ANKRD36: variants seen among roughly 807,000 people sequenced by gnomAD.
The protein encoded by ANKRD36 is ankyrin repeat domain-containing protein 36A.
A neutral mutation model predicts 278.1 loss-of-function variants in ANKRD36; 179 were observed. The ratio of observed to expected loss-of-function variants is 0.64; its 90% CI spans 0.57 to 0.73. ANKRD36 has a LOEUF of 0.73. ANKRD36 is among the 30% of genes least tolerant of loss of function. The pLI, the probability that ANKRD36 is intolerant of heterozygous loss-of-function variation, is 0.00. For synonymous variants in ANKRD36, 320 were observed against 641.1 expected (o/e 0.50, Z 7.57); for missense variants, 1,159 against 1,956.7 (o/e 0.59, Z 7.69).
At chr2:97,230,851 TC>T (rs1220592442) in intron 67 of ANKRD36, among the ~76,000 whole-genome samples, 14 of 152,116 alleles carry the variant, frequency 9.2e-5, no homozygotes, top group Non-Finnish European at 2.1e-4. Flanking sequence ...TAGTTTTCCT[TC>T]TACCAGACAG....
rs1236798185 is a variant in ANKRD36, at chr2:97,228,365, G to A, written c.3951+3486G>A. Among the ~76,000 whole-genome samples the A allele has an allele frequency of 2.0e-5, 3 of 152,176 alleles. 1 individual carries two copies. In the East Asian group the frequency reaches 5.9e-4, roughly 30 times the overall value. ...CAACTTCTTCCTGGTTTAGTCTTGG[G>A]AGTGTGTATGTGTCCAGGAATTTAT... is the stretch of plus-strand genomic sequence containing the variant. On this transcript the variant is annotated intron_variant, in intron 67 of 75. Transcript: ENST00000420699.
At chr2:97,201,594 C>T (rs898637843) in intron 46 of ANKRD36, among the ~76,000 whole-genome samples, 1 of 151,908 alleles carries the variant, frequency 6.6e-6, no homozygotes, top group African/African-American at 2.4e-5. Context: ...ATACAAGAAG[C>T]TTATGCAAAT....
At chr2:97,163,097 C>T (rs2049474288) in intron 18 of ANKRD36, 2 of 351,868 alleles carry the variant, frequency 5.7e-6, no homozygotes, top group East Asian at 7.8e-5. Flanking sequence ...GAAACCCCAT[C>T]TCTACTAAAA....
intron 32 of ANKRD36, among the ~76,000 whole-genome samples, chr2:97,187,629 G>A (rs1430526826): frequency 6.6e-5 from 10 of 151,758 alleles, no homozygotes; most frequent in Non-Finnish European, 5.9e-5. Context: ...CATTGAAATT[G>A]GGAAGAAGAT....
In ANKRD36 at chr2:97,113,871, T is replaced by G. The variant is rs1256062653; in HGVS notation, c.132T>G (p.Asn44Lys). ...KRIHRAVLHG[N>K]LEKLKYLLLT... is the part of the protein sequence containing the mutation. Reference sequence around the variant, plus strand: ...TCCACAGAGCTGTCTTACATGGTAATCTAGAGAAACTGAAGTACCTTCTGC... The same window carrying G: ...TCCACAGAGCTGTCTTACATGGTAAGCTAGAGAAACTGAAGTACCTTCTGC... The change falls in exon 1 of 76, where the codon AAT becomes AAG. Residue 44 changes from asparagine (N) to lysine (K), a missense_variant. Asn to Lys is a moderately conservative substitution (Grantham distance 94). Transcript: ENST00000420699. 2 of 1,613,074 alleles carry G rather than the reference T, an allele frequency of 1.2e-6. No homozygotes were observed. Among genetic ancestry groups the G allele is most frequent in the East Asian group, 4.5e-5 (2 of 44,218 alleles).
chr2:97,228,362 T>TG (rs2070680537), intron 67 of ANKRD36, among the ~76,000 whole-genome samples: 1 of 152,080 alleles, frequency 6.6e-6, no homozygotes, highest in Non-Finnish European at 1.5e-5. Context: ...GGTTTAGTCT[T>TG]GGGAGTGTGT....
Position 97,148,086 on chromosome 2 carries a change from T to C in ANKRD36, c.1035-1209T>C, listed in dbSNP as rs540910169. On this transcript the variant is annotated intron_variant, in intron 11 of 75. Transcript: ENST00000420699. ...ATCCCAGCTTACAGAGGGCTTAGAATCCCTCAAGAACCAGGGAGCTGGAGA... is the reference window on the plus strand; with the variant it reads ...ATCCCAGCTTACAGAGGGCTTAGAACCCCTCAAGAACCAGGGAGCTGGAGA... Among the ~76,000 whole-genome samples the C allele has an allele frequency of 1.2e-4, 19 of 152,020 alleles. No individual in the cohort carries two copies. The East Asian group carries it at 3.5e-3, about 28-fold the overall frequency.
rs1271236303 is a variant in ANKRD36 at position 97,141,282 on chromosome 2, G to T, written c.800-1358G>T. Among the ~76,000 whole-genome samples the T allele has an allele frequency of 1.5e-4, 15 of 100,990 alleles. No homozygotes were observed. In the South Asian group the frequency reaches 3.1e-3, roughly 21 times the overall value. The allele number at this position is 100,990 out of a possible 152,430, so 66.3% of individuals were successfully genotyped here. On this transcript the variant is annotated intron_variant, in intron 6 of 75. Transcript: ENST00000420699. ...ATTTGGTTGGTTATTAATAAGAAAA[G>T]AAGTCTCTTGTGATTTAGAGATTTT...
intron 67 of ANKRD36, among the ~76,000 whole-genome samples, chr2:97,228,641 T>C (rs2070789525): frequency 6.6e-6 from 1 of 151,804 alleles, no homozygotes. Flanking sequence ...TTTCCTTCAG[T>C]TCTGTTCTGA....
At chr2:97,125,207 C>G (rs1189042527) in intron 5 of ANKRD36, among the ~76,000 whole-genome samples, 2 of 151,648 alleles carry the variant, frequency 1.3e-5, no homozygotes, top group African/African-American at 4.8e-5. Flanking sequence ...TACCAGCATG[C>G]CCTTTCTGTT....
Position 97,113,941 on chromosome 2 carries a change from T to C in ANKRD36, c.197+5T>C. The C allele has an allele frequency of 6.2e-7, 1 of 1,600,804 alleles. No individual in the cohort carries two copies. The highest frequency in any genetic ancestry group is 8.5e-7 in the Non-Finnish European group (1 of 1,174,396). On this transcript the variant is annotated splice_donor_5th_base_variant and intron_variant, in intron 1 of 75. Coordinates refer to ENST00000420699, the MANE Select transcript of ANKRD36 (RefSeq NM_001354587.1). ...TAAGAGAGACAGGAAGGAAAGGTAATGGGGGCCGGGAGCCGGGGCTGCGGG... is the reference window on the plus strand; with the variant it reads ...TAAGAGAGACAGGAAGGAAAGGTAACGGGGGCCGGGAGCCGGGGCTGCGGG...
intron 3 of ANKRD36, among the ~76,000 whole-genome samples, chr2:97,122,073 C>T (rs1000140911): frequency 8.3e-5 from 10 of 119,812 alleles, no homozygotes; most frequent in South Asian, 2.5e-4. Context: ...AACTGTCAAT[C>T]GTGTCAGAAT....
intron 48 of ANKRD36, among the ~76,000 whole-genome samples, chr2:97,203,802 A>G (rs6577003): frequency 0.86 from 130,266 of 151,736 alleles, 57,400 homozygotes; most frequent in African/African-American, 0.95. Flanking sequence ...GCATATCCAC[A>G]TTGATATTGA....
chr2:97,154,955 G>A, intron 15 of ANKRD36, among the ~76,000 whole-genome samples: 1 of 144,666 alleles, frequency 6.9e-6, no homozygotes. Context: ...TAAATACTTT[G>A]AGAGGTGTGA....
chr2:97,229,395 C>T (rs912276624), intron 67 of ANKRD36, among the ~76,000 whole-genome samples: 1 of 152,080 alleles, frequency 6.6e-6, no homozygotes, highest in Non-Finnish European at 1.5e-5. Flanking sequence ...TATGTAATGG[C>T]CTTCTTTGTC....
intron 1 of ANKRD36, among the ~76,000 whole-genome samples, chr2:97,114,898 G>C (rs2034800673): frequency 6.6e-6 from 1 of 151,942 alleles, no homozygotes; most frequent in South Asian, 2.1e-4. Context: ...TTTTACTATT[G>C]TGACGACATC....
chr2:97,143,121 A>T (rs1007433384), intron 8 of ANKRD36, among the ~76,000 whole-genome samples: 1 of 151,960 alleles, frequency 6.6e-6, no homozygotes, highest in Non-Finnish European at 1.5e-5. Context: ...TTAATTCTAC[A>T]GCATAGTTCC....
chr2:97,224,205 A>G (rs1337306768), intron 66 of ANKRD36, among the ~76,000 whole-genome samples: 2 of 149,396 alleles, frequency 1.3e-5, no homozygotes, highest in Non-Finnish European at 3.0e-5. Flanking sequence ...GGATTTTTAC[A>G]TTTTGTTTTA....
chr2:97,187,109 G>T, intron 30 of ANKRD36, 89 bp from the exon 31 acceptor site: 1 of 1,580,926 alleles, frequency 6.3e-7, no homozygotes, highest in Non-Finnish European at 8.6e-7. Context: ...ACAGGCAGGC[G>T]GATACAGCTT....
Sources: allele counts gnomAD v4.1 joint callset (sites outside exome capture counted in the v4.1 genomes callset), GRCh38; gene constraint gnomAD v4.1.1; transcripts MANE v1.5; gene names NCBI Gene and HGNC (gene_info 2026-07-23, HGNC 2026-07-21).